Variants in CTNNBL1 observed in about 807,000 individuals in gnomAD.
The protein encoded by CTNNBL1 is catenin beta like 1.
CTNNBL1 carries 31 observed loss-of-function variants against 72.7 expected under a neutral mutation model. The ratio of observed to expected loss-of-function variants is 0.43; its 90% CI spans 0.32 to 0.58. The LOEUF (loss-of-function observed/expected upper bound fraction) is 0.58. CTNNBL1 is among the 20% of genes least tolerant of loss of function. The pLI is 0.08. For missense variants in CTNNBL1, 534 were observed against 725.1 expected, an observed-to-expected ratio of 0.74 and a Z score of 3.03; for synonymous variants, 240 against 267.3, an observed-to-expected ratio of 0.90 and a Z score of 1.00.
chr20:37,778,481 G>C (rs2073595531), intron 9 of CTNNBL1, among the ~76,000 whole-genome samples: 1 of 152,138 alleles, frequency 6.6e-6, no homozygotes, highest in South Asian at 2.1e-4. Flanking sequence ...CTGGGAAGGT[G>C]CTTAGTCCTT....
chr20:37,787,115 A>T (rs1194935373), intron 10 of CTNNBL1, among the ~76,000 whole-genome samples: 3 of 142,266 alleles, frequency 2.1e-5, no homozygotes, highest in Admixed American at 6.9e-5. Flanking sequence ...TCCTTCCTAT[A>T]TCCTTAGCAT....
chr20:37,749,759 G>A (rs2073301413), intron 4 of CTNNBL1: 1 of 152,096 alleles, frequency 6.6e-6, no homozygotes, highest in African/African-American at 2.4e-5. Context: ...AGGTCCTCTT[G>A]ACTTGCATCT....
chr20:37,701,816 C>T (rs1001769657), intron 1 of CTNNBL1, among the ~76,000 whole-genome samples: 9 of 152,058 alleles, frequency 5.9e-5, no homozygotes, highest in Non-Finnish European at 1.2e-4. Context: ...ATCGTACGCT[C>T]ATCTCAGCTG....
intron 2 of CTNNBL1, among the ~76,000 whole-genome samples, chr20:37,736,844 G>A (rs887340908): frequency 2.0e-5 from 3 of 152,120 alleles, no homozygotes; most frequent in Non-Finnish European, 1.5e-5. Context: ...CAGATAGTGG[G>A]CATTGTGTGA....
At chr20:37,841,096 C>T (rs1310814344) in intron 12 of CTNNBL1, among the ~76,000 whole-genome samples, 1 of 152,222 alleles carries the variant, frequency 6.6e-6, no homozygotes, top group Non-Finnish European at 1.5e-5. Context: ...AGATGACTTT[C>T]ATCGTTGCAT....
intron 1 of CTNNBL1, among the ~76,000 whole-genome samples, chr20:37,700,875 C>T (rs548063978): frequency 6.6e-6 from 1 of 152,186 alleles, no homozygotes; most frequent in Admixed American, 6.5e-5. Context: ...CAGACACCCA[C>T]TCCTCTTGTC....
chr20:37,811,922 G>T (rs906455145), intron 11 of CTNNBL1, among the ~76,000 whole-genome samples: 1 of 152,206 alleles, frequency 6.6e-6, no homozygotes, highest in South Asian at 2.1e-4. Flanking sequence ...CCAAAATACC[G>T]TTTAGCACAT....
intron 4 of CTNNBL1, among the ~76,000 whole-genome samples, chr20:37,752,703 C>T (rs1002548408): frequency 2.6e-5 from 4 of 152,064 alleles, no homozygotes; most frequent in Admixed American, 6.5e-5. Context: ...AAACACCACT[C>T]TTTTTTTCCA....
intron 11 of CTNNBL1, 29 bp downstream of exon 11, chr20:37,803,077 T>A (rs2073836394): frequency 5.0e-6 from 8 of 1,593,756 alleles, no homozygotes; most frequent in Non-Finnish European, 6.9e-6. Flanking sequence ...GTCAGCCTAA[T>A]TTAGGTGCAT....
chr20:37,736,490 C>T (rs1404718500), intron 2 of CTNNBL1, among the ~76,000 whole-genome samples: 5 of 152,150 alleles, frequency 3.3e-5, no homozygotes, highest in African/African-American at 4.8e-5. Context: ...TGCTTACTCT[C>T]TGCCATACAG....
At chr20:37,866,821 TG>T (rs1436919972) in intron 15 of CTNNBL1, among the ~76,000 whole-genome samples, 1 of 152,200 alleles carries the variant, frequency 6.6e-6, no homozygotes, top group African/African-American at 2.4e-5. Context: ...ACTCAGTAAA[TG>T]GAAGTTCCTT....
At position 37,779,278 on chromosome 20, in the gene CTNNBL1, C is replaced by T; in HGVS notation, c.974C>T (p.Ser325Phe). 2 of 1,613,782 alleles carry T rather than the reference C, an allele frequency of 1.2e-6. No homozygotes were observed. Among genetic ancestry groups the T allele is most frequent in the African/African-American group, 2.7e-5 (2 of 75,014 alleles). ...DSLCSCLMLS[S>F]NRERFLKGEG... ...CTCTGCTCCTGTCTAATGCTTAGTT[C>T]CAATCGTGAGCGCTTCCTGAAGGGC... The change falls in exon 10 of 16, where the codon TCC becomes TTC. Residue 325 changes from serine to phenylalanine, a missense_variant. Transcript: ENST00000361383.
chr20:37,694,219 C>T, intron 1 of CTNNBL1, 67 bp downstream of exon 1: 1 of 1,404,912 alleles, frequency 7.1e-7, no homozygotes, highest in Admixed American at 2.7e-5. Flanking sequence ...GAGCCAGAGC[C>T]CTTTCATCTC....
chr20:37,729,232 T>C (rs936840832), intron 1 of CTNNBL1, among the ~76,000 whole-genome samples: 2 of 152,184 alleles, frequency 1.3e-5, no homozygotes, highest in Non-Finnish European at 2.9e-5. Context: ...AGATTCAACT[T>C]TGAGAAGGGA....
chr20:37,836,527 G>T (rs1230549669), intron 11 of CTNNBL1, among the ~76,000 whole-genome samples: 1 of 152,068 alleles, frequency 6.6e-6, no homozygotes, highest in Non-Finnish European at 1.5e-5. Flanking sequence ...TTCAGTTGTT[G>T]GTTATGTCCA....
chr20:37,704,974 G>A (rs1242455811), intron 1 of CTNNBL1, among the ~76,000 whole-genome samples: 1 of 152,210 alleles, frequency 6.6e-6, no homozygotes, highest in Non-Finnish European at 1.5e-5. Context: ...TGTTTAAATT[G>A]AGGGATTGAA....
At chr20:37,763,510 C>T (rs549225002) in intron 5 of CTNNBL1, among the ~76,000 whole-genome samples, 2 of 152,302 alleles carry the variant, frequency 1.3e-5, no homozygotes, top group Admixed American at 1.3e-4. Flanking sequence ...TCAATAATTT[C>T]ACCTTTCCCT....
chr20:37,701,600 C>T (rs1185436466), intron 1 of CTNNBL1, among the ~76,000 whole-genome samples: 1 of 152,138 alleles, frequency 6.6e-6, no homozygotes, highest in Non-Finnish European at 1.5e-5. Context: ...AGGGAGATGA[C>T]ACTGGAATCC....
At chr20:37,836,573 TG>T (rs1465952108) in intron 11 of CTNNBL1, among the ~76,000 whole-genome samples, 2 of 152,230 alleles carry the variant, frequency 1.3e-5, no homozygotes, top group African/African-American at 4.8e-5. Context: ...CCCTCCTCTA[TG>T]TTGCCCACGT....
Sources: allele counts gnomAD v4.1 joint callset (sites outside exome capture counted in the v4.1 genomes callset), GRCh38; gene constraint gnomAD v4.1.1; transcripts MANE v1.5; gene names NCBI Gene and HGNC (gene_info 2026-07-23, HGNC 2026-07-21).